The following NIBAN1 variants were observed in gnomAD, a reference collection of about 807,000 sequenced individuals.
NIBAN1 encodes niban apoptosis regulator 1.
Under a neutral mutation model 75.1 loss-of-function variants are expected in NIBAN1, and 81 were observed. That is an observed-to-expected ratio of 1.08 (90% CI 0.90 to 1.30). The LOEUF (loss-of-function observed/expected upper bound fraction) is 1.30. NIBAN1 is among the 50% of genes most tolerant of loss of function. The probability of loss-of-function intolerance (pLI) is 0.00; values close to 1 mark genes in which losing one functional copy is unlikely to be tolerated. For synonymous variants in NIBAN1, 436 were observed against 424.8 expected, an observed-to-expected ratio of 1.03 and a Z score of -0.32; for missense variants, 1,133 against 1,128.1, an observed-to-expected ratio of 1.00 and a Z score of -0.06.
chr1:184,921,459 C>A (rs1657553267), intron 1 of NIBAN1, among the ~76,000 whole-genome samples: 1 of 152,088 alleles, frequency 6.6e-6, no homozygotes, highest in African/African-American at 2.4e-5. Flanking sequence ...AGAAAATATA[C>A]CAAAATGATA....
chr1:184,880,194 C>T (rs1316402367), intron 5 of NIBAN1, among the ~76,000 whole-genome samples: 1 of 152,194 alleles, frequency 6.6e-6, no homozygotes, highest in Non-Finnish European at 1.5e-5. Flanking sequence ...TCCTCTGTTC[C>T]CCCAAATCCT....
intron 13 of NIBAN1, 135 bp from the exon 14 acceptor site, chr1:184,796,232 C>T: frequency 1.2e-6 from 1 of 816,552 alleles, no homozygotes; most frequent in Non-Finnish European, 1.8e-6. Flanking sequence ...CCCTGATGAC[C>T]AAAGTCTATA....
At chr1:184,970,318 T>C (rs1292736342) in intron 1 of NIBAN1, among the ~76,000 whole-genome samples, 3 of 151,986 alleles carry the variant, frequency 2.0e-5, no homozygotes, top group Non-Finnish European at 4.4e-5. Context: ...CTACCAAAAA[T>C]ATTCAGGTTA....
intron 5 of NIBAN1, among the ~76,000 whole-genome samples, chr1:184,870,560 G>A (rs939892952): frequency 6.6e-6 from 1 of 152,078 alleles, no homozygotes; most frequent in Non-Finnish European, 1.5e-5. Context: ...GCCCAAGAAG[G>A]TGGCTTTTGA....
chr1:184,842,846 G>A (rs1655331554), intron 5 of NIBAN1, among the ~76,000 whole-genome samples: 1 of 151,664 alleles, frequency 6.6e-6, no homozygotes, highest in African/African-American at 2.4e-5. Context: ...CCAGGAATCT[G>A]TATTTAAACA....
chr1:184,901,681 A>G (rs1175981580), intron 1 of NIBAN1, among the ~76,000 whole-genome samples: 1 of 152,188 alleles, frequency 6.6e-6, no homozygotes, highest in Non-Finnish European at 1.5e-5. Flanking sequence ...GGTGAATGTC[A>G]TTTTATGATG....
chr1:184,914,412 T>C (rs1557912352), intron 1 of NIBAN1, among the ~76,000 whole-genome samples: 1 of 152,226 alleles, frequency 6.6e-6, no homozygotes, highest in African/African-American at 2.4e-5. Flanking sequence ...ATGTGGTGTC[T>C]ACTAGAAGTG....
chr1:184,943,735 T>G (rs890559209), intron 1 of NIBAN1, among the ~76,000 whole-genome samples: 1 of 152,066 alleles, frequency 6.6e-6, no homozygotes, highest in East Asian at 1.9e-4. Flanking sequence ...ATAAATAAAA[T>G]TTTTAAAAAT....
chr1:184,937,091 A>G (rs1031026744), intron 1 of NIBAN1, among the ~76,000 whole-genome samples: 1 of 147,888 alleles, frequency 6.8e-6, no homozygotes, highest in South Asian at 2.2e-4. Context: ...AATAAATATT[A>G]TGTAATACTG....
intron 9 of NIBAN1, among the ~76,000 whole-genome samples, chr1:184,817,696 C>T (rs1329364268): frequency 6.6e-6 from 1 of 152,060 alleles, no homozygotes; most frequent in Admixed American, 6.6e-5. Context: ...TGTTCATATC[C>T]TTTGCAAAAA....
intron 1 of NIBAN1, among the ~76,000 whole-genome samples, chr1:184,925,870 C>T (rs1571579032): frequency 6.6e-6 from 1 of 152,262 alleles, no homozygotes; most frequent in Admixed American, 6.5e-5. Flanking sequence ...AGTTTACACA[C>T]CACAATTACA....
At chr1:184,871,037 G>A (rs1656093059) in intron 5 of NIBAN1, among the ~76,000 whole-genome samples, 1 of 152,050 alleles carries the variant, frequency 6.6e-6, no homozygotes, top group Non-Finnish European at 1.5e-5. Context: ...AATATGACTG[G>A]TGTCCTTATA....
At chr1:184,964,354 CAT>C (rs1658724882) in intron 1 of NIBAN1, among the ~76,000 whole-genome samples, 1 of 152,178 alleles carries the variant, frequency 6.6e-6, no homozygotes, top group South Asian at 2.1e-4. Flanking sequence ...GATACTTACT[CAT>C]GTGAGAAAAA....
chr1:184,834,733 C>T (rs149592452), intron 5 of NIBAN1, among the ~76,000 whole-genome samples: 10,259 of 151,964 alleles, frequency 0.068, 1,145 homozygotes, highest in African/African-American at 0.23. Context: ...TATTTAAGTT[C>T]TTTGTAGATT....
At chr1:184,942,714 A>AG (rs1658124702) in intron 1 of NIBAN1, among the ~76,000 whole-genome samples, 1 of 151,346 alleles carries the variant, frequency 6.6e-6, no homozygotes, top group Non-Finnish European at 1.5e-5. Context: ...AAAAAAAAAA[A>AG]AGAATCAGGT....
chr1:184,805,176 AC>A (rs1654160842), intron 11 of NIBAN1, among the ~76,000 whole-genome samples: 1 of 152,152 alleles, frequency 6.6e-6, no homozygotes, highest in Non-Finnish European at 1.5e-5. Flanking sequence ...TTCAGAGACC[AC>A]CCCTAGGCTC....
At chr1:184,842,802 T>C (rs1373276017) in intron 5 of NIBAN1, among the ~76,000 whole-genome samples, 2 of 151,274 alleles carry the variant, frequency 1.3e-5, no homozygotes, top group Non-Finnish European at 2.9e-5. Context: ...GGTTTTGCCA[T>C]AGATATTCTG....
intron 1 of NIBAN1, among the ~76,000 whole-genome samples, chr1:184,941,550 T>C (rs1301529320): frequency 6.6e-6 from 1 of 151,204 alleles, no homozygotes; most frequent in Non-Finnish European, 1.5e-5. Flanking sequence ...CTCAGGAGGC[T>C]CAGGTGGGAA....
rs113323990 is a variant in NIBAN1 at position 184,822,259 on chromosome 1, G to T, written c.985+908C>A. Among the ~76,000 whole-genome samples the T allele has an allele frequency of 5.8e-3, 891 of 152,314 alleles. 3 individuals carry two copies. The highest frequency in any genetic ancestry group is 0.024 in the Middle Eastern group (7 of 294). On this transcript the variant is annotated intron_variant, in intron 8 of 13. Coordinates refer to ENST00000367511, the MANE Select transcript of NIBAN1 (RefSeq NM_052966.4). ...TGTTTGTTGGGTTGTAGAGGCCCCA[G>T]ATAGAATGGAGAACCATAGAATTTC...
Sources: allele counts gnomAD v4.1 joint callset (sites outside exome capture counted in the v4.1 genomes callset), GRCh38; gene constraint gnomAD v4.1.1; transcripts MANE v1.5; gene names NCBI Gene and HGNC (gene_info 2026-07-23, HGNC 2026-07-21).